Variants in DBH observed in about 807,000 individuals in gnomAD.
DBH encodes the protein dopamine beta-hydroxylase (dopamine beta-monooxygenase).
In DBH, 49 loss-of-function variants were observed where a neutral mutation model predicts 64.0. The ratio of observed to expected loss-of-function variants is 0.77; its 90% CI spans 0.61 to 0.97. DBH has a LOEUF of 0.97. DBH is among the 50% of genes least tolerant of loss of function. The pLI is 0.00. For missense variants in DBH, 828 were observed against 826.6 expected, an observed-to-expected ratio of 1.00 and a Z score of -0.02; for synonymous variants, 343 against 347.1, an observed-to-expected ratio of 0.99 and a Z score of 0.13.
chr9:133,658,626 C>A lies in DBH; in HGVS notation c.*179C>A. 8.4e-6 allele frequency: 6 copies of A among 710,716 alleles called. No individual in the cohort carries two copies. Among genetic ancestry groups the A allele is most frequent in the Non-Finnish European group, 1.1e-5 (5 of 454,658 alleles). 44.0% of individuals were successfully genotyped at this position (710,716 alleles called of 1,614,324 possible). A position where few individuals can be genotyped will look rare whatever the true frequency, so the allele number is the denominator to read the frequency against. ...AGCCTTCTTCCCCCAGGGTCCCCTGCATGGCTGAGAGGGTGTGGGTGCCCT... is the reference window on the plus strand; with the variant it reads ...AGCCTTCTTCCCCCAGGGTCCCCTGAATGGCTGAGAGGGTGTGGGTGCCCT... On this transcript the variant is annotated 3_prime_UTR_variant, in exon 12 of 12. Coordinates refer to ENST00000393056, the MANE Select transcript of DBH (RefSeq NM_000787.4).
At position 133,652,248 on chromosome 9, in the gene DBH, G is replaced by A. The variant is rs745850750; in HGVS notation, c.1338G>A (p.Glu446=). 6.2e-7 allele frequency: 1 copy of A among 1,613,900 alleles called. No homozygotes were observed. The highest frequency in any genetic ancestry group is 1.1e-5 in the South Asian group (1 of 91,082). ...QDNHYSPHFQ[E]IRMLKKVVSV... ...CCCCTCGGCTCTGCCTGCCCCAGGA[G>A]ATCCGCATGTTGAAGAAGGTCGTGT... Residue 446 remains glutamate, a splice_region_variant and synonymous_variant, in exon 8 of 12, where the codon GAG becomes GAA. Transcript: ENST00000393056.
chr9:133,651,497 G>A, intron 6 of DBH, 137 bp from the exon 7 acceptor site: 1 of 1,118,680 alleles, frequency 8.9e-7, no homozygotes, highest in Non-Finnish European at 1.3e-6. Context: ...ACCTGGCCGG[G>A]GAGAAAGACC....
chr9:133,659,000 C>A lies in DBH; in HGVS notation c.*553C>A, dbSNP rs1832375281. The A allele has an allele frequency of 1.3e-5, 2 of 152,222 alleles. No individual in the cohort carries two copies. The highest frequency in any genetic ancestry group is 4.8e-5 in the African/African-American group (2 of 41,444). 9.4% of individuals were successfully genotyped at this position (152,222 alleles called of 1,614,324 possible). ...GACTCGCCTGGGAAATTGCTCCATT[C>A]CTGAGTAAACAGATATTTTCGCCCA... On this transcript the variant is annotated 3_prime_UTR_variant, in exon 12 of 12. Transcript: ENST00000393056.
chr9:133,647,621 T>C (rs569226819), intron 5 of DBH, among the ~76,000 whole-genome samples: 1 of 152,280 alleles, frequency 6.6e-6, no homozygotes, highest in South Asian at 2.1e-4. Context: ...TCCCAGTGAG[T>C]GTAGCCTGTT....
At chr9:133,637,670 G>A (rs1487438682) in intron 1 of DBH, among the ~76,000 whole-genome samples, 4 of 152,234 alleles carry the variant, frequency 2.6e-5, no homozygotes, top group East Asian at 3.8e-4. Flanking sequence ...CTGGTGGGGC[G>A]GAGAGTCCCT....
At chr9:133,653,549 A>G (rs188112632) in intron 9 of DBH, among the ~76,000 whole-genome samples, 211 of 152,244 alleles carry the variant, frequency 1.4e-3, no homozygotes, top group East Asian at 5.0e-3. Flanking sequence ...GGAGGAGGTG[A>G]AGGAAGGCTC....
chr9:133,657,857 G>A (rs1832355640), intron 11 of DBH, among the ~76,000 whole-genome samples: 1 of 152,198 alleles, frequency 6.6e-6, no homozygotes, highest in Non-Finnish European at 1.5e-5. Flanking sequence ...GAAGCATTTG[G>A]GAGCCAGATT....
intron 11 of DBH, among the ~76,000 whole-genome samples, chr9:133,657,506 GA>G (rs1832349991): frequency 1.3e-5 from 2 of 148,170 alleles, no homozygotes; most frequent in Non-Finnish European, 3.0e-5. Flanking sequence ...AGGAGAGAGA[GA>G]GAGAGAGAGA....
At chr9:133,638,883 A>G (rs1292603728) in intron 1 of DBH, among the ~76,000 whole-genome samples, 1 of 152,164 alleles carries the variant, frequency 6.6e-6, no homozygotes, top group Non-Finnish European at 1.5e-5. Context: ...GTGGTCTTCC[A>G]TGTGACCTGG....
chr9:133,643,376 G>T lies in DBH; in HGVS notation c.745-37G>T. 1 of 1,611,684 alleles carries T rather than the reference G, an allele frequency of 6.2e-7. No individual in the cohort carries two copies. The highest frequency in any genetic ancestry group is 8.5e-7 in the Non-Finnish European group (1 of 1,178,836). On this transcript the variant is annotated intron_variant, in intron 3 of 11. Transcript: ENST00000393056. The surrounding 1 kb of genome is among the most constrained non-coding windows in gnomAD (Gnocchi z 5.3). ...GGCTGCTGGGGAGGGGAGGGTGGGCGGCCGGTTCCCGGGCTCAGAGGGCTG... is the reference window on the plus strand; with the variant it reads ...GGCTGCTGGGGAGGGGAGGGTGGGCTGCCGGTTCCCGGGCTCAGAGGGCTG...
At chr9:133,646,501 C>T (rs190594321) in intron 5 of DBH, among the ~76,000 whole-genome samples, 64 of 152,244 alleles carry the variant, frequency 4.2e-4, no homozygotes, top group Admixed American at 8.5e-4. Context: ...TGAGGATGTT[C>T]GAGTGGGTGC....
intron 5 of DBH, among the ~76,000 whole-genome samples, chr9:133,646,250 G>A (rs1293785611): frequency 6.6e-6 from 1 of 151,672 alleles, no homozygotes; most frequent in African/African-American, 2.4e-5. Flanking sequence ...CACACTCCTT[G>A]CCGCCTGACA....
chr9:133,656,426 G>A (rs540767120), intron 9 of DBH, 97 bp from the exon 10 acceptor site: 45 of 1,545,392 alleles, frequency 2.9e-5, no homozygotes, highest in Middle Eastern at 1.7e-4. Flanking sequence ...GTGAACAGAC[G>A]AGTGGACGCA....
rs762910440 is a variant in DBH at position 133,656,570 on chromosome 9, C to A, written c.1482C>A (p.Tyr494Ter). ...AGATGTGTGTCAACTACGTGCACTACTACCCCCAGACGCAGCTGGAGCTCT... is the reference window on the plus strand; with the variant it reads ...AGATGTGTGTCAACTACGTGCACTAATACCCCCAGACGCAGCTGGAGCTCT... Reference protein sequence around the residue: ...LEEMCVNYVHYYPQTQLELCK... With the variant: ...LEEMCVNYVH The change falls in exon 10 of 12, where the codon TAC (tyrosine) becomes TAA (stop). Residue 494 changes from tyrosine (Y) to a stop codon, truncating the protein, a stop_gained. Coordinates refer to ENST00000393056, the MANE Select transcript of DBH (RefSeq NM_000787.4). LOFTEE classifies it high-confidence loss of function. The A allele has an allele frequency of 1.9e-6, 3 of 1,613,830 alleles. No individual in the cohort carries two copies. The highest frequency in any genetic ancestry group is 1.3e-5 in the African/African-American group (1 of 74,932).
At chr9:133,641,312 T>C (rs1196083955) in intron 2 of DBH, among the ~76,000 whole-genome samples, 7 of 152,124 alleles carry the variant, frequency 4.6e-5, no homozygotes, top group Non-Finnish European at 1.0e-4. Context: ...GAGGTGTTCT[T>C]CCAGGAGGTT....
rs1022884420 is a variant in DBH, at chr9:133,658,521, G to A, written c.*74G>A. ...ACCGGCACTGTGCACTCTACTCTGC[G>A]ACGATCCCCATGGAACAGCCCTGCA... On this transcript the variant is annotated 3_prime_UTR_variant, in exon 12 of 12. Coordinates refer to ENST00000393056, the MANE Select transcript of DBH (RefSeq NM_000787.4). 7.5e-6 allele frequency: 11 copies of A among 1,467,728 alleles called. No homozygotes were observed. The highest frequency in any genetic ancestry group is 2.5e-5 in the East Asian group (1 of 40,812). 90.9% of individuals were successfully genotyped at this position (1,467,728 alleles called of 1,614,324 possible). A position where few individuals can be genotyped will look rare whatever the true frequency, so the allele number is the denominator to read the frequency against.
At position 133,643,581 on chromosome 9, in the gene DBH, G is replaced by A. The variant is rs2131285810; in HGVS notation, c.913G>A (p.Gly305Ser). 3.7e-6 allele frequency: 6 copies of A among 1,613,148 alleles called. No homozygotes were observed. In the Admixed American group the frequency reaches 8.3e-5, roughly 22 times the overall value. The change falls in exon 4 of 12, where the codon GGT becomes AGT. Residue 305 changes from glycine to serine, a missense_variant. Gly to Ser is a moderately conservative substitution (Grantham distance 56). Transcript: ENST00000393056. The surrounding 1 kb of genome is among the most constrained non-coding windows in gnomAD (Gnocchi z 5.3). ...CRHVLAAWAL[G>S]AKAFYYPEEA... Reference sequence around the variant, plus strand: ...CCACGTGCTGGCCGCCTGGGCCCTGGGTGCCAAGGTGCGTGCCCTGCGACC... The same window carrying A: ...CCACGTGCTGGCCGCCTGGGCCCTGAGTGCCAAGGTGCGTGCCCTGCGACC...
At chr9:133,657,399 A>T in intron 11 of DBH, 170 bp downstream of exon 11, 1 of 534,254 alleles carries the variant, frequency 1.9e-6, no homozygotes, top group Non-Finnish European at 3.3e-6. Flanking sequence ...GCCAGCCAGC[A>T]GAGAGAGAGG....
chr9:133,656,826 C>T (rs1832327875), intron 10 of DBH, among the ~76,000 whole-genome samples, 176 bp downstream of exon 10: 2 of 152,210 alleles, frequency 1.3e-5, no homozygotes, highest in African/African-American at 4.8e-5. Context: ...GATTTGGCTT[C>T]AGAGCCTCCT....
Sources: gnomAD v4.1 joint callset for allele counts (sites outside exome capture counted in the v4.1 genomes callset) on GRCh38, gnomAD v4.1.1 for gene constraint, Gnocchi (gnomAD v3.1) non-coding constraint, MANE v1.5 for transcripts, NCBI Gene and HGNC (gene_info 2026-07-23, HGNC 2026-07-21) for gene names.